Variants in OTUD5 observed in about 807,000 individuals in gnomAD.
The protein encoded by OTUD5 is OTU deubiquitinase 5.
A neutral mutation model predicts 36.3 loss-of-function variants in OTUD5; 2 were observed. That is an observed-to-expected ratio of 0.06 (90% CI 0.02 to 0.17). The LOEUF (loss-of-function observed/expected upper bound fraction) is 0.17, where lower values mean the gene tolerates loss of function less well. OTUD5 is among the 10% of genes least tolerant of loss of function. OTUD5 has a pLI of 1.00. For missense variants in OTUD5, 233 were observed against 512.3 expected, an observed-to-expected ratio of 0.45 and a Z score of 5.26; for synonymous variants, 234 against 214.9, an observed-to-expected ratio of 1.09 and a Z score of -0.78.
At chrX:48,927,032 T>C (rs1348791779) in intron 5 of OTUD5, among the ~76,000 whole-genome samples, 1 of 112,419 alleles carries the variant, frequency 8.9e-6, no homozygotes, top group Non-Finnish European at 1.9e-5. Context: ...AATGCATATA[T>C]GCTAAGTAAT....
chrX:48,935,209 T>C (rs3027505), intron 2 of OTUD5, among the ~76,000 whole-genome samples, 191 bp from the exon 3 acceptor site: 1 of 112,010 alleles, frequency 8.9e-6, no homozygotes, highest in Admixed American at 9.5e-5. Context: ...AGGGCCAGAC[T>C]TGAAGAACAA....
chrX:48,928,300 CA>C (rs1557048115), intron 5 of OTUD5, among the ~76,000 whole-genome samples: 1 of 111,856 alleles, frequency 8.9e-6, no homozygotes, highest in Non-Finnish European at 1.9e-5. Context: ...ATTACGTCCA[CA>C]AAAAAACCTG....
At chrX:48,933,155 C>T (rs1350919522) in intron 5 of OTUD5, among the ~76,000 whole-genome samples, 2 of 111,268 alleles carry the variant, frequency 1.8e-5, no homozygotes, top group Non-Finnish European at 3.8e-5. Context: ...GTAAACAGAT[C>T]GAATACAAAA....
At chrX:48,956,852 A>C (rs1485556699) in intron 1 of OTUD5, 125 bp downstream of exon 1, 6 of 727,656 alleles carry the variant, frequency 8.2e-6, no homozygotes, top group Non-Finnish European at 9.4e-6. Flanking sequence ...GCCAGAGAAG[A>C]CTGTCAGGCC....
chrX:48,939,673 G>A (rs2063886786), intron 2 of OTUD5, among the ~76,000 whole-genome samples: 1 of 112,170 alleles, frequency 8.9e-6, no homozygotes, highest in South Asian at 3.7e-4. Flanking sequence ...CAGGGTAGGT[G>A]GAGGGCAGGG....
chrX:48,923,938 G>A lies in OTUD5; in HGVS notation c.1378C>T (p.Pro460Ser). 8.3e-7 allele frequency: 1 copy of A among 1,211,475 alleles called. No individual in the cohort carries two copies. Among genetic ancestry groups the A allele is most frequent in the Non-Finnish European group, 1.1e-6 (1 of 895,112 alleles). Residue 460 changes from proline (P) to serine (S), a missense_variant, in exon 7 of 9, where the codon CCT becomes TCT. By Grantham distance (74) the Pro-to-Ser change is moderately conservative. Around this residue, in one of 3 missense-constraint regions of OTUD5, gnomAD observed 57 missense variants for 133.1 expected, o/e 0.43. Coordinates refer to ENST00000376488, the MANE Select transcript of OTUD5 (RefSeq NM_001136157.2). The stretch of plus-strand genomic sequence containing the variant: ...ATGCCCAATTCAGCATGCAGCTCAG[G>A]GTGCTCAGGTGACGAGGCTGAACTC... ...QRSSASSPEH[P>S]ELHAELGMKP...
chrX:48,958,340 G>A (rs1376845952), upstream of OTUD5: 2 of 112,766 alleles, frequency 1.8e-5, no homozygotes, highest in Admixed American at 1.9e-4. Context: ...GGAATGACTG[G>A]AAAACATCAA....
chrX:48,936,229 A>G (rs1046487328), intron 2 of OTUD5: 2 of 111,155 alleles, frequency 1.8e-5, no homozygotes, highest in Non-Finnish European at 3.8e-5. Context: ...TGGCCCGAAT[A>G]GTCCAGGCGT....
In OTUD5 at chrX:48,938,906, C is replaced by T. The variant is rs138582313; in HGVS notation, c.689-3888G>A. 1.8e-3 allele frequency among the ~76,000 whole-genome samples: 203 copies of T among 110,680 alleles called. 2 individuals carry two copies. The East Asian group carries it at 0.049, about 26-fold the overall frequency. On this transcript the variant is annotated intron_variant, in intron 2 of 8. Transcript: ENST00000376488. The stretch of plus-strand genomic sequence containing the variant: ...AAACTGAAACTCCTCCTCTTGCTGA[C>T]GCTGCACTTGTGGGCAATCTGCACC...
chrX:48,952,111 G>C, intron 1 of OTUD5, among the ~76,000 whole-genome samples: 1 of 111,960 alleles, frequency 8.9e-6, no homozygotes, highest in Non-Finnish European at 1.9e-5. Context: ...CCAAGGTCCT[G>C]TTATTCAGTA....
chrX:48,940,182 G>A (rs1445791156), intron 2 of OTUD5: 1 of 114,004 alleles, frequency 8.8e-6, no homozygotes, highest in Non-Finnish European at 1.9e-5. Context: ...CTCAGTGGGA[G>A]AGACAGAACT....
chrX:48,929,650 G>C (rs1448195035), intron 5 of OTUD5, among the ~76,000 whole-genome samples: 2 of 109,902 alleles, frequency 1.8e-5, no homozygotes, highest in Non-Finnish European at 3.8e-5. Flanking sequence ...GAACCCAGGA[G>C]GTAGAGGCTG....
chrX:48,946,347 T>C (rs924396118), intron 1 of OTUD5, among the ~76,000 whole-genome samples: 14 of 111,510 alleles, frequency 1.3e-4, no homozygotes, highest in Admixed American at 9.5e-5. Context: ...ACGTACCATA[T>C]ACTAGGGGAA....
chrX:48,942,100 G>A (rs1175467295), intron 2 of OTUD5, among the ~76,000 whole-genome samples: 3 of 110,153 alleles, frequency 2.7e-5, no homozygotes, highest in Non-Finnish European at 5.7e-5. Context: ...AGTATTTGGG[G>A]AGAACAGCTA....
chrX:48,955,795 T>G (rs1450946743), intron 1 of OTUD5, among the ~76,000 whole-genome samples: 1 of 110,914 alleles, frequency 9.0e-6, no homozygotes, highest in Non-Finnish European at 1.9e-5. Context: ...TTCAGTTCCT[T>G]ATAATTGGGG....
intron 1 of OTUD5, among the ~76,000 whole-genome samples, chrX:48,946,043 T>G (rs1341183553): frequency 4.5e-5 from 5 of 110,726 alleles, no homozygotes; most frequent in African/African-American, 1.6e-4. Flanking sequence ...TGCCCAGGGA[T>G]TTATAGGATC....
At chrX:48,927,785 C>T (rs782448991) in intron 5 of OTUD5, among the ~76,000 whole-genome samples, 1 of 111,677 alleles carries the variant, frequency 9.0e-6, no homozygotes, top group South Asian at 3.8e-4. Context: ...GCCTCTCTCC[C>T]CTCCCCAAAG....
rs1557046898 is a variant in OTUD5 at position 48,923,661 on chromosome X, G to A, written c.1551C>T (p.Leu517=). Residue 517 remains leucine (L), a synonymous_variant, in exon 8 of 9, where the codon CTC becomes CTT. Coordinates refer to ENST00000376488, the MANE Select transcript of OTUD5 (RefSeq NM_001136157.2). ...SLYPALECRA[L]IQQMSPSAFG... is the part of the protein sequence containing the mutation. ...AGGCAGAGGGGGACATCTGCTGAAT[G>A]AGGGCCCGGCACTCCAAAGCAGGGT... The A allele has an allele frequency of 1.7e-6, 2 of 1,205,603 alleles. No individual in the cohort carries two copies. The highest frequency in any genetic ancestry group is 2.2e-6 in the Non-Finnish European group (2 of 891,922).
intron 1 of OTUD5, among the ~76,000 whole-genome samples, chrX:48,945,463 G>T (rs2064010687): frequency 9.2e-6 from 1 of 108,207 alleles, no homozygotes; most frequent in Non-Finnish European, 1.9e-5. Flanking sequence ...GTAGAGACGG[G>T]GTTTCACCAT....
Sources: allele counts gnomAD v4.1 joint callset (sites outside exome capture counted in the v4.1 genomes callset), GRCh38; gene constraint gnomAD v4.1.1; regional missense constraint gnomAD v4.1.1; transcripts MANE v1.5; gene names NCBI Gene and HGNC (gene_info 2026-07-23, HGNC 2026-07-21).